Variants in IL4R observed in about 807,000 individuals in gnomAD.
IL4R encodes the protein interleukin 4 receptor.
A neutral mutation model predicts 41.5 loss-of-function variants in IL4R; 17 were observed. The ratio of observed to expected loss-of-function variants is 0.41; its 90% CI spans 0.28 to 0.61. The LOEUF (loss-of-function observed/expected upper bound fraction) is 0.61. Ranked by LOEUF, IL4R falls within the 20% of genes least tolerant of loss-of-function variation. The pLI, the probability that IL4R is intolerant of heterozygous loss-of-function variation, is 0.31. For synonymous variants in IL4R, 402 were observed against 422.9 expected, an observed-to-expected ratio of 0.95 and a Z score of 0.61; for missense variants, 974 against 1,043.1, an observed-to-expected ratio of 0.93 and a Z score of 0.91.
At chr16:27,325,324 C>T (rs1329346922) in intron 1 of IL4R, among the ~76,000 whole-genome samples, 1 of 152,134 alleles carries the variant, frequency 6.6e-6, no homozygotes, top group Admixed American at 6.6e-5. Flanking sequence ...GTAATCCCAG[C>T]ACTTTGGGAG....
chr16:27,343,482 A>G (rs2085510109), intron 4 of IL4R, among the ~76,000 whole-genome samples: 2 of 152,132 alleles, frequency 1.3e-5, no homozygotes, highest in African/African-American at 4.8e-5. Flanking sequence ...GCTGGAGTGC[A>G]GTGGCACAAT....
chr16:27,342,194 G>A lies in IL4R; in HGVS notation c.144G>A (p.Met48Ile). 1.2e-6 allele frequency: 2 copies of A among 1,614,198 alleles called. No individual in the cohort carries two copies. The highest frequency in any genetic ancestry group is 1.1e-5 in the South Asian group (1 of 91,074). Residue 48 changes from methionine (M) to isoleucine (I), a missense_variant, in exon 4 of 11, where the codon ATG (methionine) becomes ATA (isoleucine). Physicochemically the swap from Met to Ile is conservative, Grantham distance 10. Transcript: ENST00000395762. Reference sequence around the variant, plus strand: ...GCATCTCTACTTGCGAGTGGAAGATGAATGGTCCCACCAATTGCAGCACCG... The same window carrying A: ...GCATCTCTACTTGCGAGTGGAAGATAAATGGTCCCACCAATTGCAGCACCG... ...YMSISTCEWKMNGPTNCSTEL... is the reference protein window; with the variant it reads ...YMSISTCEWKINGPTNCSTEL...
Position 27,341,163 on chromosome 16 carries a change from C to A in IL4R, c.70+890C>A, listed in dbSNP as rs1201034539. On this transcript the variant is annotated intron_variant, in intron 3 of 10. Coordinates refer to ENST00000395762, the MANE Select transcript of IL4R (RefSeq NM_000418.4). ...GTGGAGGAGATGAGAGGCTCCGGAT[C>A]CCTCTGGGAGGTAGATTTGAGGACA... is the stretch of plus-strand genomic sequence containing the variant. 1.4e-5 allele frequency: 10 copies of A among 694,320 alleles called. No homozygotes were observed. The South Asian group carries it at 1.5e-4, about 10-fold the overall frequency. 43.0% of individuals were successfully genotyped at this position (694,320 alleles called of 1,614,324 possible). A position where few individuals can be genotyped will look rare whatever the true frequency, so the allele number is the denominator to read the frequency against.
chr16:27,357,343 G>A (rs1596534709), intron 8 of IL4R, among the ~76,000 whole-genome samples: 4 of 152,152 alleles, frequency 2.6e-5, no homozygotes, highest in Non-Finnish European at 2.9e-5. Flanking sequence ...GCAGTGGCGC[G>A]GTTACGGCTC....
At chr16:27,346,162 C>T (rs2085635553) in intron 5 of IL4R, among the ~76,000 whole-genome samples, 1 of 150,652 alleles carries the variant, frequency 6.6e-6, no homozygotes, top group Non-Finnish European at 1.5e-5. Context: ...GCTATTGAGG[C>T]TGCAGTGAGC....
rs536566588 is a variant in IL4R at position 27,339,263 on chromosome 16, C to G, written c.-18-923C>G. ...CTCCAAGTGATCCACCCCACCTTCC[C>G]GAGTAGCTGGGACTAGAGATGCACA... On this transcript the variant is annotated intron_variant, in intron 2 of 10. Transcript: ENST00000395762. Among the ~76,000 whole-genome samples the G allele has an allele frequency of 3.3e-5, 5 of 152,114 alleles. No homozygotes were observed. In the South Asian group the frequency reaches 1.0e-3, roughly 31 times the overall value.
intron 6 of IL4R, 61 bp downstream of exon 6, chr16:27,346,679 A>G: frequency 6.4e-7 from 1 of 1,572,672 alleles, no homozygotes; most frequent in Non-Finnish European, 8.7e-7. Context: ...GGTGACCAGC[A>G]GAGGCCCAGT....
intron 8 of IL4R, among the ~76,000 whole-genome samples, chr16:27,356,542 G>C (rs3024645): frequency 0.032 from 4,905 of 152,252 alleles, 236 homozygotes; most frequent in African/African-American, 0.11. Flanking sequence ...TTGCAAGGGG[G>C]ACCAGGATAA....
In IL4R at chr16:27,346,583, G is replaced by A. The variant is rs770738137; in HGVS notation, c.478G>A (p.Ala160Thr). The change falls in exon 6 of 11, where the codon GCA becomes ACA. Residue 160 changes from alanine to threonine, a missense_variant. Around this residue, in one of 3 missense-constraint regions of IL4R, gnomAD observed 284 missense variants for 313.4 expected, o/e 0.91. Transcript: ENST00000395762. ...TTACCTGTATAATCATCTCACCTAT[G>A]CAGTCAACATTTGGAGTGAAAACGA... The part of the protein sequence containing the change: ...DNYLYNHLTY[A>T]VNIWSENDPA... The A allele has an allele frequency of 1.2e-6, 2 of 1,614,148 alleles. No homozygotes were observed. Among genetic ancestry groups the A allele is most frequent in the Non-Finnish European group, 1.7e-6 (2 of 1,180,016 alleles).
intron 6 of IL4R, among the ~76,000 whole-genome samples, chr16:27,348,594 G>A (rs557963487): frequency 1.3e-5 from 2 of 152,278 alleles, no homozygotes; most frequent in East Asian, 3.9e-4. Context: ...ACATCCCAAA[G>A]CCACAGTGGG....
chr16:27,340,329 C>G (rs2085400949), intron 3 of IL4R, 56 bp downstream of exon 3: 4 of 1,357,646 alleles, frequency 2.9e-6, no homozygotes, highest in Non-Finnish European at 3.2e-6. Flanking sequence ...GTGCCAGGGT[C>G]CTGCAGTATG....
In IL4R at chr16:27,362,797, T is replaced by A. The variant is rs2086347060; in HGVS notation, c.1445T>A (p.Leu482Gln). 1 of 1,614,156 alleles carries A rather than the reference T, an allele frequency of 6.2e-7. No individual in the cohort carries two copies. Among genetic ancestry groups the A allele is most frequent in the East Asian group, 2.2e-5 (1 of 44,868 alleles). Residue 482 changes from leucine to glutamine, a missense_variant, in exon 11 of 11, where the codon CTG becomes CAG. Leu to Gln is a moderately radical substitution (Grantham distance 113, BLOSUM62 -2). Coordinates refer to ENST00000395762, the MANE Select transcript of IL4R (RefSeq NM_000418.4). ...AGCCCGACCCAGAGTCCAGACAACCTGACTTGCACAGAGACGCCCCTCGTC... is the reference window on the plus strand; with the variant it reads ...AGCCCGACCCAGAGTCCAGACAACCAGACTTGCACAGAGACGCCCCTCGTC... ...PASPTQSPDN[L>Q]TCTETPLVIA... is the part of the protein sequence containing the mutation.
At chr16:27,339,139 G>A (rs2085355765) in intron 2 of IL4R, among the ~76,000 whole-genome samples, 1 of 152,070 alleles carries the variant, frequency 6.6e-6, no homozygotes, top group South Asian at 2.1e-4. Context: ...ACAGGTGTGA[G>A]CTACTGTGTC....
At chr16:27,342,324 G>T in intron 4 of IL4R, 65 bp downstream of exon 4, 1 of 1,597,954 alleles carries the variant, frequency 6.3e-7, no homozygotes, top group Non-Finnish European at 8.6e-7. Flanking sequence ...CCAAGAGTGA[G>T]CTGGGTCCAG....
upstream of IL4R, chr16:27,313,807 A>C: frequency 5.1e-6 from 3 of 593,846 alleles, no homozygotes; most frequent in Non-Finnish European, 6.4e-6. Context: ...GGACAGCGAC[A>C]GGGGCGCGAG....
Position 27,363,376 on chromosome 16 carries a change from C to T in IL4R, c.2024C>T (p.Pro675Leu), listed in dbSNP as rs750248820. ...PQSSHLPSSS[P>L]EHLGLEPGEK... The stretch of plus-strand genomic sequence containing the variant: ...AGCTCACATCTCCCAAGCAGCTCCC[C>T]AGAGCACCTGGGTCTGGAGCCGGGG... Residue 675 changes from proline (P) to leucine (L), a missense_variant, in exon 11 of 11, where the codon CCA becomes CTA. Transcript: ENST00000395762. The T allele has an allele frequency of 3.1e-6, 5 of 1,614,010 alleles. No individual in the cohort carries two copies. Among genetic ancestry groups the T allele is most frequent in the African/African-American group, 2.7e-5 (2 of 74,922 alleles).
intron 6 of IL4R, among the ~76,000 whole-genome samples, chr16:27,348,324 C>A: frequency 6.6e-6 from 1 of 152,130 alleles, no homozygotes; most frequent in South Asian, 2.1e-4. Context: ...AATAAATCTC[C>A]TTCTCATGCC....
chr16:27,338,094 C>T (rs1218094726), intron 2 of IL4R, among the ~76,000 whole-genome samples: 6 of 151,254 alleles, frequency 4.0e-5, no homozygotes, highest in African/African-American at 1.5e-4. Context: ...GTAGCTGGGA[C>T]TACAGGTGTG....
At chr16:27,357,795 C>T (rs923576807) in intron 8 of IL4R, among the ~76,000 whole-genome samples, 1 of 151,980 alleles carries the variant, frequency 6.6e-6, no homozygotes, top group African/African-American at 2.4e-5. Flanking sequence ...CTGGCTGTCA[C>T]TTATGTAGCC....
Sources: gnomAD v4.1 joint callset for allele counts (sites outside exome capture counted in the v4.1 genomes callset) on GRCh38, gnomAD v4.1.1 for gene constraint, gnomAD v4.1.1 regional missense constraint, MANE v1.5 for transcripts, NCBI Gene and HGNC (gene_info 2026-07-23, HGNC 2026-07-21) for gene names.